TMEM168: variants seen among roughly 807,000 people sequenced by gnomAD.
The protein encoded by TMEM168 is transmembrane protein 168.
In TMEM168, 40 loss-of-function variants were observed where a neutral mutation model predicts 53.2. The ratio of observed to expected loss-of-function variants is 0.75; its 90% CI spans 0.58 to 0.98. The LOEUF is 0.98. Among genes scored for constraint, TMEM168 ranks in the 50% least tolerant of loss-of-function variants. TMEM168 has a pLI of 0.00. For missense variants in TMEM168, 771 were observed against 828.8 expected (o/e 0.93, Z 0.86); for synonymous variants, 282 against 293.0 (o/e 0.96, Z 0.38).
intron 2 of TMEM168, among the ~76,000 whole-genome samples, chr7:112,776,523 T>C (rs1172890425): frequency 1.3e-5 from 2 of 152,042 alleles, no homozygotes; most frequent in Non-Finnish European, 2.9e-5. Context: ...AATAAAAAAA[T>C]TAATTCCTGC....
At chr7:112,773,403 C>T (rs1285875175) in intron 3 of TMEM168, among the ~76,000 whole-genome samples, 2 of 151,754 alleles carry the variant, frequency 1.3e-5, no homozygotes, top group South Asian at 2.1e-4. Flanking sequence ...GTTTCAAGAA[C>T]ATCTGGGTGG....
At chr7:112,779,097 C>T (rs1204782290) in intron 2 of TMEM168, among the ~76,000 whole-genome samples, 1 of 152,054 alleles carries the variant, frequency 6.6e-6, no homozygotes, top group South Asian at 2.1e-4. Context: ...CCCTATGTTG[C>T]CCAGGCTGGT....
At position 112,767,415 on chromosome 7, in the gene TMEM168, T is replaced by C; in HGVS notation, c.1876A>G (p.Thr626Ala). Residue 626 changes from threonine to alanine, a missense_variant, in exon 5 of 5, where the codon ACT (threonine) becomes GCT (alanine). By Grantham distance (58) the Thr-to-Ala change is moderately conservative (BLOSUM62 0). Coordinates refer to ENST00000312814, the MANE Select transcript of TMEM168 (RefSeq NM_022484.6). ...YGVSKRWSDY[T>A]LHLPTGSDVA... Reference sequence around the variant, plus strand: ...TCGCTTCCCGTTGGCAAATGCAGAGTGTAGTCACTCCACCGTTTTGACACA... The same window carrying C: ...TCGCTTCCCGTTGGCAAATGCAGAGCGTAGTCACTCCACCGTTTTGACACA... 1 of 1,614,068 alleles carries C rather than the reference T, an allele frequency of 6.2e-7. No individual in the cohort carries two copies. The highest frequency in any genetic ancestry group is 8.5e-7 in the Non-Finnish European group (1 of 1,180,002).
rs773209265 is a variant in TMEM168, at chr7:112,765,337, C to CTGTT, written c.*1856_*1859dup. 10 of 152,220 alleles carry CTGTT rather than the reference C, an allele frequency of 6.6e-5. No individual in the cohort carries two copies. In the South Asian group the frequency reaches 8.3e-4, roughly 13 times the overall value. The allele number at this position is 152,220 out of a possible 1,614,324, so 9.4% of individuals were successfully genotyped here. A position where few individuals can be genotyped will look rare whatever the true frequency, so the allele number is the denominator to read the frequency against. On this transcript the variant is annotated 3_prime_UTR_variant, in exon 5 of 5. Transcript: ENST00000312814. Reference sequence around the variant, plus strand: ...AGGTTTGTGGCTGTCAAACTGTCAGCTGTTTTTAAAATGTAATTTTTAGTA... The same window carrying CTGTT: ...AGGTTTGTGGCTGTCAAACTGTCAGCTGTTTGTTTTTAAAATGTAATTTTTAGTA...
In TMEM168 at chr7:112,784,404, T is replaced by G; in HGVS notation, c.422A>C (p.Glu141Ala). ...ATGACGGACATAACCAGAAATTCTC[T>G]CCACCAGAGAGCACAATATCCTTAA... Reference protein sequence around the residue: ...IVLRILCSLVERISGYVRHRP... With the variant: ...IVLRILCSLVARISGYVRHRP... The change falls in exon 2 of 5, where the codon GAG (glutamate) becomes GCG (alanine). Residue 141 changes from glutamate to alanine, a missense_variant. Transcript: ENST00000312814. 1 of 1,614,162 alleles carries G rather than the reference T, an allele frequency of 6.2e-7. No homozygotes were observed. Among genetic ancestry groups the G allele is most frequent in the Non-Finnish European group, 8.5e-7 (1 of 1,180,020 alleles).
At chr7:112,790,101 G>T (rs999415196) in intron 1 of TMEM168, 59 bp downstream of exon 1, 3 of 152,326 alleles carry the variant, frequency 2.0e-5, no homozygotes, top group African/African-American at 7.2e-5. Flanking sequence ...ACCACGCGGA[G>T]CCCTGGCAGT....
Position 112,762,382 on chromosome 7 carries a change from TTCA to T in TMEM168, c.*4812_*4814del, listed in dbSNP as rs1424477200. On this transcript the variant is annotated 3_prime_UTR_variant, in exon 5 of 5. Coordinates refer to ENST00000312814, the MANE Select transcript of TMEM168 (RefSeq NM_022484.6). The stretch of plus-strand genomic sequence containing the variant: ...ATATTAAAAATTAATGCGAATTTTG[TTCA>T]TCAATACATTGGTATGTGTTTTAAT... 2.0e-5 allele frequency: 3 copies of T among 152,062 alleles called. No individual in the cohort carries two copies. The highest frequency in any genetic ancestry group is 4.4e-5 in the Non-Finnish European group (3 of 67,922). 9.4% of individuals were successfully genotyped at this position (152,062 alleles called of 1,614,324 possible).
chr7:112,774,340 G>C (rs1056426210), intron 3 of TMEM168, among the ~76,000 whole-genome samples: 2 of 144,710 alleles, frequency 1.4e-5, no homozygotes, highest in Non-Finnish European at 3.0e-5. Flanking sequence ...GCATTTTTCA[G>C]TGTGCAGAGT....
intron 1 of TMEM168, among the ~76,000 whole-genome samples, chr7:112,787,801 C>T (rs28681358): frequency 0.22 from 29,908 of 135,652 alleles, 3,424 homozygotes; most frequent in Middle Eastern, 0.48. Context: ...GGAGCGATCT[C>T]GGCTCACCGC....
At chr7:112,777,886 CTGTGTGTGTG>C (rs71155068) in intron 2 of TMEM168, among the ~76,000 whole-genome samples, 10,928 of 125,894 alleles carry the variant, frequency 0.087, 562 homozygotes, top group East Asian at 0.13. Context: ...GCTCTTGGTG[CTGTGTGTGTG>C]TGTGTGTGTG....
intron 2 of TMEM168, among the ~76,000 whole-genome samples, chr7:112,781,930 G>T (rs140848091): frequency 6.6e-6 from 1 of 152,016 alleles, no homozygotes; most frequent in Non-Finnish European, 1.5e-5. Context: ...TCAAAAATTT[G>T]TATCATTCAG....
intron 2 of TMEM168, chr7:112,778,097 C>T (rs1213658791): frequency 6.6e-6 from 1 of 152,164 alleles, no homozygotes; most frequent in African/African-American, 2.4e-5. Context: ...CAGGTTTGAC[C>T]ACTTAATCCC....
At chr7:112,777,381 T>G (rs1212576144) in intron 2 of TMEM168, among the ~76,000 whole-genome samples, 2 of 152,188 alleles carry the variant, frequency 1.3e-5, no homozygotes, top group Non-Finnish European at 2.9e-5. Flanking sequence ...CACATTACAG[T>G]GCCACTTTTG....
At chr7:112,776,212 T>C (rs1363226657) in intron 2 of TMEM168, among the ~76,000 whole-genome samples, 3 of 151,162 alleles carry the variant, frequency 2.0e-5, no homozygotes, top group Non-Finnish European at 4.4e-5. Flanking sequence ...CACTGAACTC[T>C]CTAGATGTGC....
chr7:112,774,391 T>G (rs1370984553), intron 3 of TMEM168, among the ~76,000 whole-genome samples: 1 of 146,936 alleles, frequency 6.8e-6, no homozygotes, highest in African/African-American at 2.5e-5. Flanking sequence ...TTTTTAGTGC[T>G]TCATACCATT....
intron 4 of TMEM168, among the ~76,000 whole-genome samples, chr7:112,771,098 T>C (rs1337293888): frequency 6.6e-6 from 1 of 152,220 alleles, no homozygotes; most frequent in African/African-American, 2.4e-5. Context: ...GCTTTCTACG[T>C]TGTAATTAAA....
chr7:112,775,564 A>G (rs937013981), intron 2 of TMEM168, among the ~76,000 whole-genome samples: 2 of 151,838 alleles, frequency 1.3e-5, no homozygotes, highest in African/African-American at 2.4e-5. Flanking sequence ...CATCATTTTT[A>G]AAAAAGAATT....
chr7:112,770,080 C>T (rs1189992672), intron 4 of TMEM168, among the ~76,000 whole-genome samples: 1 of 152,182 alleles, frequency 6.6e-6, no homozygotes, highest in East Asian at 1.9e-4. Context: ...AATAAATTAG[C>T]AGAGCTTAAA....
intron 3 of TMEM168, 61 bp downstream of exon 3, chr7:112,775,115 T>C (rs933147591): frequency 1.5e-6 from 2 of 1,370,922 alleles, no homozygotes; most frequent in African/African-American, 1.5e-5. Flanking sequence ...TTTATTCATA[T>C]AAATATTAAG....
Sources: allele counts gnomAD v4.1 joint callset (sites outside exome capture counted in the v4.1 genomes callset), GRCh38; gene constraint gnomAD v4.1.1; transcripts MANE v1.5; gene names NCBI Gene and HGNC (gene_info 2026-07-23, HGNC 2026-07-21).